EYS: variants seen among roughly 807,000 people sequenced by gnomAD.
EYS encodes the protein EGF-like photoreceptor maintenance factor.
A neutral mutation model predicts 282.1 loss-of-function variants in EYS; 250 were observed. The observed-to-expected ratio is 0.89, with a 90% CI of 0.80 to 0.98. The LOEUF (loss-of-function observed/expected upper bound fraction) is 0.98. Ranked by LOEUF, EYS falls within the 50% of genes least tolerant of loss-of-function variation. The pLI is 0.00. For synonymous variants in EYS, 1,355 were observed against 1,282.9 expected (o/e 1.06, Z -1.20); for missense variants, 4,016 against 3,709.0 (o/e 1.08, Z -2.15).
At chr6:64,660,845 T>C (rs2149887567) in intron 22 of EYS, among the ~76,000 whole-genome samples, 1 of 152,264 alleles carries the variant, frequency 6.6e-6, no homozygotes, top group East Asian at 1.9e-4. Flanking sequence ...GCCATCCCCA[T>C]CAAGCTACCA....
intron 26 of EYS, among the ~76,000 whole-genome samples, chr6:64,481,324 T>C (rs950663480): frequency 8.0e-5 from 12 of 149,222 alleles, no homozygotes; most frequent in African/African-American, 2.9e-4. Context: ...AAAAGCATTT[T>C]CAGAATGATA....
chr6:64,986,736 T>C (rs1438121195), intron 14 of EYS, among the ~76,000 whole-genome samples: 2 of 151,414 alleles, frequency 1.3e-5, no homozygotes, highest in African/African-American at 4.8e-5. Flanking sequence ...CATTTCATAC[T>C]ATTAATTTTA....
chr6:64,066,468 G>A lies in EYS; in HGVS notation c.6595C>T (p.Gln2199Ter). 6.5e-7 allele frequency: 1 copy of A among 1,542,758 alleles called. No individual in the cohort carries two copies. Among genetic ancestry groups the A allele is most frequent in the Non-Finnish European group, 8.8e-7 (1 of 1,139,752 alleles). The change falls in exon 33 of 43, where the codon CAG (glutamine) becomes TAG (stop). Residue 2199 changes from glutamine (Q) to a stop codon, truncating the protein, a stop_gained. Coordinates refer to ENST00000503581, the MANE Select transcript of EYS (RefSeq NM_001142800.2). LOFTEE classifies it high-confidence loss of function. ...TCCACAAGAAATAAATGAAGAAACT[G>A]CTTTCCACAATTATTCCCATTACCT... ...LYSNGNNCGK[Q>*]FLHLFLVEGR...
intron 15 of EYS, among the ~76,000 whole-genome samples, chr6:64,929,964 TA>T (rs1252206923): frequency 6.6e-5 from 10 of 152,202 alleles, no homozygotes; most frequent in Non-Finnish European, 1.2e-4. Context: ...AAAATAAACA[TA>T]AATAAAATCT....
In EYS at chr6:63,777,815, A is replaced by T. The variant is rs984403684; in HGVS notation, c.7898+191T>A. On this transcript the variant is annotated intron_variant, in intron 40 of 42. Transcript: ENST00000503581. ...CATTGTTTCACAGAACTAAGATGGC[A>T]TAAATGCTGTGCTGATCCTATTTTT... 6 of 556,932 alleles carry T rather than the reference A, an allele frequency of 1.1e-5. No homozygotes were observed. The Admixed American group carries it at 1.3e-4, about 12-fold the overall frequency. The allele number at this position is 556,932 out of a possible 1,614,324, so 34.5% of individuals were successfully genotyped here.
At chr6:65,514,932 T>G (rs1767063265) in intron 2 of EYS, among the ~76,000 whole-genome samples, 1 of 151,998 alleles carries the variant, frequency 6.6e-6, no homozygotes, top group Non-Finnish European at 1.5e-5. Flanking sequence ...AAGCCAAAAT[T>G]GACAAATGGG....
At chr6:65,180,703 C>G (rs1048284545) in intron 12 of EYS, among the ~76,000 whole-genome samples, 14 of 152,122 alleles carry the variant, frequency 9.2e-5, no homozygotes, top group Non-Finnish European at 1.9e-4. Context: ...TTGGAAAAAA[C>G]TGCTTTAAAG....
intron 18 of EYS, among the ~76,000 whole-genome samples, chr6:64,891,361 T>C (rs902087194): frequency 6.6e-6 from 1 of 152,110 alleles, no homozygotes; most frequent in Non-Finnish European, 1.5e-5. Flanking sequence ...TAAATGTTTT[T>C]ATTTTCTCTT....
chr6:65,603,775 A>G (rs964200711), intron 2 of EYS, among the ~76,000 whole-genome samples: 2 of 151,906 alleles, frequency 1.3e-5, no homozygotes, highest in African/African-American at 2.4e-5. Flanking sequence ...CAGTGCTTTC[A>G]AAGAAATTTC....
At chr6:65,295,539 C>G (rs1768636839) in intron 12 of EYS, among the ~76,000 whole-genome samples, 1 of 151,912 alleles carries the variant, frequency 6.6e-6, no homozygotes, top group East Asian at 1.9e-4. Context: ...CAGTACTAAG[C>G]TGTTTAGGCA....
intron 31 of EYS, among the ~76,000 whole-genome samples, chr6:64,151,321 A>ATATATATATATATATATATATT (rs1774706866): frequency 1.2e-4 from 6 of 49,280 alleles, no homozygotes; most frequent in East Asian, 5.7e-4. Context: ...GTATATTTAT[A>ATATATATATATATATATATATT]TATATATATA....
intron 19 of EYS, among the ~76,000 whole-genome samples, chr6:64,877,540 G>A (rs987552597): frequency 3.9e-5 from 6 of 152,028 alleles, no homozygotes; most frequent in Non-Finnish European, 5.9e-5. Context: ...TGATAATTGC[G>A]GAAACATGGA....
At chr6:64,177,608 T>A (rs1348187348) in intron 31 of EYS, among the ~76,000 whole-genome samples, 2 of 152,128 alleles carry the variant, frequency 1.3e-5, no homozygotes, top group African/African-American at 2.4e-5. Context: ...TTTTTGGTTA[T>A]CCTCATCAAA....
At chr6:65,271,117 G>C (rs1414837049) in intron 12 of EYS, among the ~76,000 whole-genome samples, 2 of 22,976 alleles carry the variant, frequency 8.7e-5, no homozygotes, top group Non-Finnish European at 2.3e-4. Flanking sequence ...CAGAGAAACA[G>C]AATCAATAGA....
At chr6:64,031,477 TC>T (rs1769831865) in intron 33 of EYS, among the ~76,000 whole-genome samples, 1 of 152,148 alleles carries the variant, frequency 6.6e-6, no homozygotes, top group Non-Finnish European at 1.5e-5. Flanking sequence ...TGGCACGCAG[TC>T]CCATCGACCA....
intron 29 of EYS, among the ~76,000 whole-genome samples, chr6:64,311,183 C>G (rs1922968): frequency 0.72 from 108,994 of 151,936 alleles, 39,302 homozygotes; most frequent in African/African-American, 0.79. Flanking sequence ...ATCATTTCTA[C>G]TGTTGGGAAA....
chr6:65,081,851 C>T (rs1581892617), intron 12 of EYS, among the ~76,000 whole-genome samples: 1 of 151,990 alleles, frequency 6.6e-6, no homozygotes, highest in Non-Finnish European at 1.5e-5. Flanking sequence ...ATTTTGTGCT[C>T]TTCTAAATGT....
chr6:64,676,685 T>C (rs1033696087), intron 22 of EYS, among the ~76,000 whole-genome samples: 28 of 152,124 alleles, frequency 1.8e-4, no homozygotes, highest in African/African-American at 6.5e-4. Flanking sequence ...AATTCTTTTA[T>C]TACAGATCTG....
chr6:63,922,759 G>A (rs1474422332), intron 35 of EYS, among the ~76,000 whole-genome samples: 1 of 152,184 alleles, frequency 6.6e-6, no homozygotes, highest in African/African-American at 2.4e-5. Flanking sequence ...CTAATTTTGA[G>A]AGAGTGATTT....
Sources: allele counts gnomAD v4.1 joint callset (sites outside exome capture counted in the v4.1 genomes callset), GRCh38; gene constraint gnomAD v4.1.1; transcripts MANE v1.5; gene names NCBI Gene and HGNC (gene_info 2026-07-23, HGNC 2026-07-21).